Variants in LIN28B observed in about 807,000 individuals in gnomAD.
The protein encoded by LIN28B is lin-28 RNA binding posttranscriptional regulator B.
LIN28B carries 5 observed loss-of-function variants against 21.9 expected under a neutral mutation model. The ratio of observed to expected loss-of-function variants is 0.23; its 90% confidence interval spans 0.12 to 0.48. The LOEUF (loss-of-function observed/expected upper bound fraction) is 0.48, where lower values mean the gene tolerates loss of function less well. LIN28B is among the 20% of genes least tolerant of loss of function. The probability of loss-of-function intolerance (pLI) is 0.98; values close to 1 mark genes in which losing one functional copy is unlikely to be tolerated. For synonymous variants in LIN28B, 109 were observed against 111.3 expected (o/e 0.98, Z 0.13); for missense variants, 245 against 310.5 (o/e 0.79, Z 1.58).
At chr6:105,063,293 A>G (rs1408112829) in intron 3 of LIN28B, among the ~76,000 whole-genome samples, 2 of 152,170 alleles carry the variant, frequency 1.3e-5, no homozygotes, top group African/African-American at 4.8e-5. Flanking sequence ...AAATTTCTGA[A>G]TTCTCAGCTG....
chr6:105,066,253 A>G (rs1772216824), intron 3 of LIN28B, among the ~76,000 whole-genome samples: 1 of 152,214 alleles, frequency 6.6e-6, no homozygotes, highest in Non-Finnish European at 1.5e-5. Flanking sequence ...AGTCAGCCAT[A>G]CACCAATAGA....
Position 105,071,966 on chromosome 6 carries a change from G to A in LIN28B, c.384-6448G>A, listed in dbSNP as rs1462961050. 2.6e-5 allele frequency among the ~76,000 whole-genome samples: 4 copies of A among 152,142 alleles called. No individual in the cohort carries two copies. The South Asian group carries it at 6.2e-4, about 24-fold the overall frequency. ...ATGAAAAGAAAATTCAGCCTTGGCA[G>A]TGTAAAGAATCTGGATTGGACTACT... On this transcript the variant is annotated intron_variant, in intron 3 of 3. Transcript: ENST00000345080.
intron 2 of LIN28B, among the ~76,000 whole-genome samples, chr6:104,949,569 T>C (rs1778196425): frequency 6.6e-6 from 1 of 152,220 alleles, no homozygotes; most frequent in African/African-American, 2.4e-5. Flanking sequence ...GTTTTACTTA[T>C]TTTTTGTGAG....
chr6:104,984,597 C>T (rs1295241614), intron 2 of LIN28B, among the ~76,000 whole-genome samples: 4 of 151,952 alleles, frequency 2.6e-5, no homozygotes, highest in Non-Finnish European at 1.5e-5. Flanking sequence ...CCATGCCCAG[C>T]TAATTATTTT....
intron 2 of LIN28B, among the ~76,000 whole-genome samples, chr6:104,985,708 T>C (rs1044241948): frequency 3.9e-5 from 6 of 152,200 alleles, no homozygotes; most frequent in African/African-American, 1.4e-4. Context: ...GTTTAAGACA[T>C]CTTTGTCTAC....
In LIN28B at chr6:105,033,507, C is replaced by T. The variant is rs530360073; in HGVS notation, c.383+7025C>T. ...TCTCTTAAAATTCTGCTTAATTTAG[C>T]GTCCACTTACAACTTTCTGGTTACT... On this transcript the variant is annotated intron_variant, in intron 3 of 3. Coordinates refer to ENST00000345080, the MANE Select transcript of LIN28B (RefSeq NM_001004317.4). 4.7e-4 allele frequency among the ~76,000 whole-genome samples: 71 copies of T among 152,032 alleles called. No homozygotes were observed. The South Asian group carries it at 8.3e-3, about 18-fold the overall frequency.
intron 3 of LIN28B, among the ~76,000 whole-genome samples, chr6:105,077,407 G>T (rs533195100): frequency 6.5e-4 from 99 of 152,080 alleles, no homozygotes; most frequent in African/African-American, 2.3e-3. Flanking sequence ...ATTTTTCTTA[G>T]TTTCTTCCAC....
At chr6:104,976,798 G>A (rs978247617) in intron 2 of LIN28B, among the ~76,000 whole-genome samples, 2 of 152,204 alleles carry the variant, frequency 1.3e-5, no homozygotes, top group African/African-American at 4.8e-5. Flanking sequence ...CTTGATGGGT[G>A]AAGGGCAAAA....
At chr6:104,976,597 T>C (rs1034629001) in intron 2 of LIN28B, among the ~76,000 whole-genome samples, 1 of 152,162 alleles carries the variant, frequency 6.6e-6, no homozygotes, top group African/African-American at 2.4e-5. Flanking sequence ...GATAACAGCA[T>C]TGTGGTAGCA....
intron 2 of LIN28B, among the ~76,000 whole-genome samples, chr6:104,994,082 G>A (rs1456497149): frequency 2.0e-5 from 3 of 152,080 alleles, no homozygotes; most frequent in Non-Finnish European, 4.4e-5. Context: ...TCGGCTCACT[G>A]CAAGCTCCGC....
chr6:104,977,694 A>G (rs1770129566), intron 2 of LIN28B, among the ~76,000 whole-genome samples: 1 of 152,056 alleles, frequency 6.6e-6, no homozygotes, highest in Admixed American at 6.5e-5. Flanking sequence ...CAGCCTCCCA[A>G]GTGGCTGGGA....
chr6:105,049,192 G>A (rs1240067635), intron 3 of LIN28B, among the ~76,000 whole-genome samples: 2 of 152,082 alleles, frequency 1.3e-5, no homozygotes, highest in African/African-American at 4.8e-5. Context: ...AGAGATTTTG[G>A]TTTGTCGTGT....
At chr6:105,073,115 C>T (rs1195734953) in intron 3 of LIN28B, among the ~76,000 whole-genome samples, 2 of 152,052 alleles carry the variant, frequency 1.3e-5, no homozygotes, top group African/African-American at 4.8e-5. Flanking sequence ...TGCCCACCCA[C>T]CTCCCCACCA....
At chr6:105,001,505 A>G (rs925972045) in intron 2 of LIN28B, among the ~76,000 whole-genome samples, 1 of 152,234 alleles carries the variant, frequency 6.6e-6, no homozygotes, top group Admixed American at 6.5e-5. Context: ...CGCTATTTAT[A>G]TGCTTTTTTC....
chr6:105,059,284 C>G (rs1249975444), intron 3 of LIN28B, among the ~76,000 whole-genome samples: 1 of 151,762 alleles, frequency 6.6e-6, no homozygotes, highest in Non-Finnish European at 1.5e-5. Flanking sequence ...TCTGGCTGTT[C>G]CTTCTTAGAA....
At chr6:105,063,671 A>G (rs915918206) in intron 3 of LIN28B, among the ~76,000 whole-genome samples, 4 of 151,232 alleles carry the variant, frequency 2.6e-5, no homozygotes, top group Non-Finnish European at 4.4e-5. Context: ...AGTAAAGGAT[A>G]ATAAAACAGC....
intron 2 of LIN28B, among the ~76,000 whole-genome samples, chr6:105,013,047 C>T (rs979610237): frequency 1.4e-4 from 21 of 152,054 alleles, no homozygotes; most frequent in African/African-American, 4.3e-4. Context: ...CGGAGTTTTG[C>T]TCTTGTTACC....
chr6:104,986,721 A>G (rs1278371017), intron 2 of LIN28B, among the ~76,000 whole-genome samples: 1 of 152,214 alleles, frequency 6.6e-6, no homozygotes, highest in African/African-American at 2.4e-5. Context: ...AAGCACTCAG[A>G]ATACAAAACA....
chr6:105,063,648 G>A (rs507296), intron 3 of LIN28B, among the ~76,000 whole-genome samples: 98,044 of 132,852 alleles, frequency 0.74, 38,433 homozygotes, highest in East Asian at 0.93. Context: ...GGGGGGGGGG[G>A]AAAAAAAGGT....
Sources: gnomAD v4.1 joint callset for allele counts (sites outside exome capture counted in the v4.1 genomes callset) on GRCh38, gnomAD v4.1.1 for gene constraint, MANE v1.5 for transcripts, NCBI Gene and HGNC (gene_info 2026-07-23, HGNC 2026-07-21) for gene names.